RBM12B: variants seen among roughly 807,000 people sequenced by gnomAD.
RBM12B encodes RNA binding motif protein 12B.
A neutral mutation model predicts 34.3 loss-of-function variants in RBM12B; 10 were observed. The ratio of observed to expected loss-of-function variants is 0.29; its 90% CI spans 0.18 to 0.49. The LOEUF (loss-of-function observed/expected upper bound fraction) is 0.49, where lower values mean the gene tolerates loss of function less well. Ranked by LOEUF, RBM12B falls within the 20% of genes least tolerant of loss-of-function variation. The pLI, the probability that RBM12B is intolerant of heterozygous loss-of-function variation, is 0.99. For missense variants in RBM12B, 1,139 were observed against 1,262.7 expected (o/e 0.90, Z 1.48); for synonymous variants, 477 against 437.1 (o/e 1.09, Z -1.14).
chr8:93,740,273 A>G, intron 2 of RBM12B: 1 of 456,580 alleles, frequency 2.2e-6, no homozygotes, highest in Non-Finnish European at 4.4e-6. Flanking sequence ...ATTTCTCCCA[A>G]CATCCTCAAA....
Position 93,734,426 on chromosome 8 carries a change from A to G in RBM12B, c.1985T>C (p.Leu662Pro), listed in dbSNP as rs1172058261. 2 of 1,602,678 alleles carry G rather than the reference A, an allele frequency of 1.2e-6. No individual in the cohort carries two copies. The highest frequency in any genetic ancestry group is 1.7e-6 in the Non-Finnish European group (2 of 1,176,670). The change falls in exon 4 of 4, where the codon CTC (leucine) becomes CCC (proline). Residue 662 changes from leucine (L) to proline (P), a missense_variant. By Grantham distance (98) the Leu-to-Pro change is moderately conservative. Around this residue, in one of 3 missense-constraint regions of RBM12B, gnomAD observed 863 missense variants for 869.5 expected, o/e 0.99. Coordinates refer to ENST00000520560, the MANE Select transcript of RBM12B (RefSeq NM_001377960.1). ...TGGCCGCCTGAAATCTTCCTCTGGG[A>G]GCCACCTTAAGTCCTCCTCAGGGGG... is the stretch of plus-strand genomic sequence containing the variant. ...RQPPEEDLRW[L>P]PEEDFRRPPE...
In RBM12B at chr8:93,736,441, G is replaced by A. The variant is rs1812025416; in HGVS notation, c.-28-3C>T. Reference sequence around the variant, plus strand: ...GCTCAAACCACAGCAATAATGACCTGCAGACAAAAAGGTACACATAATAGC... The same window carrying A: ...GCTCAAACCACAGCAATAATGACCTACAGACAAAAAGGTACACATAATAGC... On this transcript the variant is annotated splice_polypyrimidine_tract_variant and splice_region_variant and intron_variant, in intron 3 of 3. Transcript: ENST00000520560. 1 of 1,515,854 alleles carries A rather than the reference G, an allele frequency of 6.6e-7. No individual in the cohort carries two copies. The highest frequency in any genetic ancestry group is 8.8e-7 in the Non-Finnish European group (1 of 1,140,792). 93.9% of individuals were successfully genotyped at this position (1,515,854 alleles called of 1,614,324 possible). A position where few individuals can be genotyped will look rare whatever the true frequency, so the allele number is the denominator to read the frequency against.
intron 3 of RBM12B, among the ~76,000 whole-genome samples, chr8:93,737,053 T>G (rs1812043098): frequency 6.6e-6 from 1 of 152,020 alleles, no homozygotes; most frequent in Non-Finnish European, 1.5e-5. Flanking sequence ...AAAGAAAAAA[T>G]TAGCCGGGCA....
rs970501411 is a variant in RBM12B, at chr8:93,734,038, AGGCGGCCGCCTGAAATGCTCCTGG to A, written c.2349_2372del (p.Pro790_Arg797del). Reference sequence around the variant, plus strand: ...CTCGGGAGCGCCTGAAATGCTCCTGAGGCGGCCGCCTGAAATGCTCCTGGGGCGGTCTCCGGAAGTGCTCCGGGG... The same window carrying A: ...CTCGGGAGCGCCTGAAATGCTCCTGAGGCGGTCTCCGGAAGTGCTCCGGGG... On this transcript the variant is annotated inframe_deletion, in exon 4 of 4. Transcript: ENST00000520560. The A allele has an allele frequency of 2.1e-5, 34 of 1,595,854 alleles. No homozygotes were observed. The highest frequency in any genetic ancestry group is 5.5e-5 in the Admixed American group (3 of 54,264).
Position 93,728,309 on chromosome 8 carries a change from C to T in RBM12B, c.*5096G>A, listed in dbSNP as rs757406471. On this transcript the variant is annotated 3_prime_UTR_variant, in exon 4 of 4. Coordinates refer to ENST00000520560, the MANE Select transcript of RBM12B (RefSeq NM_001377960.1). ...ATTTTCTTAAGTAAACTACACATTT[C>T]CATTTTCATCATAAATGACTTGAAA... The T allele has an allele frequency of 2.0e-6, 3 of 1,494,476 alleles. No homozygotes were observed. In the East Asian group the frequency reaches 7.0e-5, roughly 35 times the overall value. The allele number at this position is 1,494,476 out of a possible 1,614,324, so 92.6% of individuals were successfully genotyped here.
rs369488679 is a variant in RBM12B at position 93,735,629 on chromosome 8, T to C, written c.782A>G (p.Asp261Gly). The change falls in exon 4 of 4, where the codon GAT becomes GGT. Residue 261 changes from aspartate to glycine, a missense_variant. Coordinates refer to ENST00000520560, the MANE Select transcript of RBM12B (RefSeq NM_001377960.1). ...ATGAGACCGTTTTCGAAAATGTCTA[T>C]CATTAATTCCTCTTGGTGGAGAATG... ...EEHSPPRGIN[D>G]RHFRKRSHSK... is the part of the protein sequence containing the mutation. The C allele has an allele frequency of 9.3e-6, 15 of 1,614,020 alleles. No homozygotes were observed. Among genetic ancestry groups the C allele is most frequent in the East Asian group, 2.2e-5 (1 of 44,882 alleles).
Position 93,736,398 on chromosome 8 carries a change from T to A in RBM12B, c.13A>T (p.Ile5Phe). Reference protein sequence around the residue: MAVVIRLLGLPFIAG... With the variant: MAVVFRLLGLPFIAG... ...ATAAAAGGAAGCCCCAGTAAACGGA[T>A]GACTACAGCCATGCTGAGCTCAAAC... Residue 5 changes from isoleucine to phenylalanine, a missense_variant, in exon 4 of 4, where the codon ATC becomes TTC. Coordinates refer to ENST00000520560, the MANE Select transcript of RBM12B (RefSeq NM_001377960.1). The A allele has an allele frequency of 1.3e-6, 2 of 1,590,102 alleles. No homozygotes were observed. Among genetic ancestry groups the A allele is most frequent in the Non-Finnish European group, 1.7e-6 (2 of 1,171,702 alleles).
Position 93,734,836 on chromosome 8 carries a change from T to C in RBM12B, c.1575A>G (p.Glu525=). The change falls in exon 4 of 4, where the codon GAA becomes GAG. Residue 525 remains glutamate, a synonymous_variant. Transcript: ENST00000520560. Reference sequence around the variant, plus strand: ...AGTCCTCTAGCTGATGTCTAAAGTTTTCAAAAGCACCAACTGAGTATATTG... The same window carrying C: ...AGTCCTCTAGCTGATGTCTAAAGTTCTCAAAAGCACCAACTGAGTATATTG... ...DPPIYSVGAF[E]NFRHQLEDLR... 1 of 1,614,162 alleles carries C rather than the reference T, an allele frequency of 6.2e-7. No individual in the cohort carries two copies. Among genetic ancestry groups the C allele is most frequent in the South Asian group, 1.1e-5 (1 of 91,082 alleles).
In RBM12B at chr8:93,729,467, A is replaced by G. The variant is rs1335472880; in HGVS notation, c.*3938T>C. ...TACTTCGGGGGAAAACAACAGAGTTATTATTTTGCTGCTTACTAAATAGCA... is the reference window on the plus strand; with the variant it reads ...TACTTCGGGGGAAAACAACAGAGTTGTTATTTTGCTGCTTACTAAATAGCA... On this transcript the variant is annotated 3_prime_UTR_variant, in exon 4 of 4. Transcript: ENST00000520560. 6.6e-6 allele frequency: 1 copy of G among 152,152 alleles called. No individual in the cohort carries two copies. The highest frequency in any genetic ancestry group is 2.4e-5 in the African/African-American group (1 of 41,446). The allele number at this position is 152,152 out of a possible 1,614,324, so 9.4% of individuals were successfully genotyped here. A position where few individuals can be genotyped will look rare whatever the true frequency, so the allele number is the denominator to read the frequency against.
chr8:93,728,342 T>C lies in RBM12B; in HGVS notation c.*5063A>G. The C allele has an allele frequency of 7.8e-7, 1 of 1,276,654 alleles. No individual in the cohort carries two copies. The highest frequency in any genetic ancestry group is 1.1e-6 in the Non-Finnish European group (1 of 900,704). 79.1% of individuals were successfully genotyped at this position (1,276,654 alleles called of 1,614,324 possible). Reference sequence around the variant, plus strand: ...ATCATAAATGACTTGAAATCCACAATGACTAAATTGTAGAACTTTATACTC... The same window carrying C: ...ATCATAAATGACTTGAAATCCACAACGACTAAATTGTAGAACTTTATACTC... On this transcript the variant is annotated 3_prime_UTR_variant, in exon 4 of 4. Transcript: ENST00000520560.
chr8:93,739,557 C>G (rs1386348132), intron 2 of RBM12B, among the ~76,000 whole-genome samples: 1 of 152,196 alleles, frequency 6.6e-6, no homozygotes, highest in Non-Finnish European at 1.5e-5. Flanking sequence ...ATGGGCACTT[C>G]TGTGGTTCCA....
chr8:93,734,598 G>A lies in RBM12B; in HGVS notation c.1813C>T (p.Arg605Cys), dbSNP rs17857188. Residue 605 changes from arginine (R) to cysteine (C), a missense_variant, in exon 4 of 4, where the codon CGC becomes TGC. By Grantham distance (180) the Arg-to-Cys change is radical. Coordinates refer to ENST00000520560, the MANE Select transcript of RBM12B (RefSeq NM_001377960.1). ...TGCCTGAAGTCATCCTCCGGAGGGC[G>A]CCTGAAATCTTCCTCCCAAGGGCGC... ...FRRPWEEDFR[R>C]PPEDDFRHPR... 2.2e-5 allele frequency: 36 copies of A among 1,612,884 alleles called. No individual in the cohort carries two copies. Among genetic ancestry groups the A allele is most frequent in the Middle Eastern group, 1.6e-4 (1 of 6,080 alleles).
rs751883399 is a variant in RBM12B, at chr8:93,735,594, G to A, written c.817C>T (p.Pro273Ser). ...HFRKRSHSKS[P>S]RRTRSRSPLG... ...GGGGAACGAGAACGTGTTCTTCTGGGAGATTTTGAATGAGACCGTTTTCGA... is the reference window on the plus strand; with the variant it reads ...GGGGAACGAGAACGTGTTCTTCTGGAAGATTTTGAATGAGACCGTTTTCGA... The change falls in exon 4 of 4, where the codon CCC (proline) becomes TCC (serine). Residue 273 changes from proline (P) to serine (S), a missense_variant. Physicochemically the swap from Pro to Ser is moderately conservative, Grantham distance 74. This residue lies in a region of RBM12B where 863 missense variants were observed against 869.5 expected (regional missense o/e 0.99). Coordinates refer to ENST00000520560, the MANE Select transcript of RBM12B (RefSeq NM_001377960.1). The A allele has an allele frequency of 3.7e-6, 6 of 1,614,070 alleles. No individual in the cohort carries two copies. The Admixed American group carries it at 8.3e-5, about 22-fold the overall frequency.
rs74474514 is a variant in RBM12B, at chr8:93,739,604, T to C, written c.-78+1025A>G. Among the ~76,000 whole-genome samples, 742 of 152,300 alleles carry C rather than the reference T, an allele frequency of 4.9e-3. 1 individual carries two copies. Among genetic ancestry groups the C allele is most frequent in the African/African-American group, 0.017 (690 of 41,556 alleles). On this transcript the variant is annotated intron_variant, in intron 2 of 3. Coordinates refer to ENST00000520560, the MANE Select transcript of RBM12B (RefSeq NM_001377960.1). ...TTCCTTAAGCAAATTCTCCAGAAAT[T>C]CAACTCTTAACACACTAAATTACAC...
Position 93,728,441 on chromosome 8 carries a change from C to T in RBM12B, c.*4964G>A. ...ATAATTAAAGGAAACTTATGCTGAC[C>T]AAAAATGAAGGCTTTAAAAAATATT... On this transcript the variant is annotated 3_prime_UTR_variant, in exon 4 of 4. Coordinates refer to ENST00000520560, the MANE Select transcript of RBM12B (RefSeq NM_001377960.1). The T allele has an allele frequency of 1.9e-6, 1 of 525,126 alleles. No homozygotes were observed. The highest frequency in any genetic ancestry group is 4.1e-5 in the Admixed American group (1 of 24,352). The allele number at this position is 525,126 out of a possible 1,614,324, so 32.5% of individuals were successfully genotyped here.
Position 93,735,348 on chromosome 8 carries a change from T to A in RBM12B, c.1063A>T (p.Ile355Phe). ...ATTTGTTTTCTAGAAATTGGATCAATATGAACTGGACGATATTGTAAAACA... is the reference window on the plus strand; with the variant it reads ...ATTTGTTTTCTAGAAATTGGATCAAAATGAACTGGACGATATTGTAAAACA... Reference protein sequence around the residue: ...KTVLQYRPVHIDPISRKQMLK... With the variant: ...KTVLQYRPVHFDPISRKQMLK... The change falls in exon 4 of 4, where the codon ATT (isoleucine) becomes TTT (phenylalanine). Residue 355 changes from isoleucine to phenylalanine, a missense_variant. Transcript: ENST00000520560. 6.2e-7 allele frequency: 1 copy of A among 1,614,030 alleles called. No homozygotes were observed. The highest frequency in any genetic ancestry group is 8.5e-7 in the Non-Finnish European group (1 of 1,180,018).
rs1811791184 is a variant in RBM12B at position 93,731,489 on chromosome 8, T to G, written c.*1916A>C. ...TACAAGCTTATACTTTAAAGAATCA[T>G]ACTGAGGTGCTTTTTCATATCAAAT... is the stretch of plus-strand genomic sequence containing the variant. On this transcript the variant is annotated 3_prime_UTR_variant, in exon 4 of 4. Transcript: ENST00000520560. 1 of 152,224 alleles carries G rather than the reference T, an allele frequency of 6.6e-6. No individual in the cohort carries two copies. The highest frequency in any genetic ancestry group is 1.5e-5 in the Non-Finnish European group (1 of 68,028). 9.4% of individuals were successfully genotyped at this position (152,224 alleles called of 1,614,324 possible).
rs981144103 is a variant in RBM12B at position 93,732,112 on chromosome 8, C to G, written c.*1293G>C. On this transcript the variant is annotated 3_prime_UTR_variant, in exon 4 of 4. Coordinates refer to ENST00000520560, the MANE Select transcript of RBM12B (RefSeq NM_001377960.1). ...TGGTCTGTCTGGGTTAAAATTGGCCCCACGATTTACTACCTATGACTTCAA... is the reference window on the plus strand; with the variant it reads ...TGGTCTGTCTGGGTTAAAATTGGCCGCACGATTTACTACCTATGACTTCAA... 6.6e-6 allele frequency: 1 copy of G among 152,086 alleles called. No individual in the cohort carries two copies. Among genetic ancestry groups the G allele is most frequent in the Admixed American group, 6.6e-5 (1 of 15,260 alleles). 9.4% of individuals were successfully genotyped at this position (152,086 alleles called of 1,614,324 possible).
rs2130434262 is a variant in RBM12B, at chr8:93,733,537, C to T, written c.2874G>A (p.Gln958=). 3.7e-6 allele frequency: 6 copies of T among 1,613,514 alleles called. No individual in the cohort carries two copies. The highest frequency in any genetic ancestry group is 5.1e-6 in the Non-Finnish European group (6 of 1,179,620). Residue 958 remains glutamine (Q), a synonymous_variant, in exon 4 of 4, where the codon CAG becomes CAA. Transcript: ENST00000520560. ...CTGTAGGTAAGCCTTGCTCATTATA[C>T]TGTATCGAAACTGAATCAGGTATGA... The part of the protein sequence containing the change: ...YRIIPDSVSI[Q]YNEQGLPTGE...
Sources: allele counts gnomAD v4.1 joint callset (sites outside exome capture counted in the v4.1 genomes callset), GRCh38; gene constraint gnomAD v4.1.1; regional missense constraint gnomAD v4.1.1; transcripts MANE v1.5; gene names NCBI Gene and HGNC (gene_info 2026-07-23, HGNC 2026-07-21).